The following ZNF92 variants were observed in gnomAD, a reference collection of about 807,000 sequenced individuals.
ZNF92 encodes epididymis luminal protein 203.
ZNF92 carries 11 observed loss-of-function variants against 12.4 expected under a neutral mutation model. That is an observed-to-expected ratio of 0.89 (90% CI 0.56 to 1.47). ZNF92 has a LOEUF of 1.47. Among genes scored for constraint, ZNF92 ranks in the 40% most tolerant of loss-of-function variants. The probability of loss-of-function intolerance (pLI) is 0.00; values close to 1 mark genes in which losing one functional copy is unlikely to be tolerated. For synonymous variants in ZNF92, 206 were observed against 228.6 expected (o/e 0.90, Z 0.89); for missense variants, 622 against 681.0 (o/e 0.91, Z 0.96).
intron 3 of ZNF92, among the ~76,000 whole-genome samples, chr7:65,394,151 A>G (rs546502846): frequency 6.6e-6 from 1 of 152,156 alleles, no homozygotes; most frequent in East Asian, 1.9e-4. Flanking sequence ...TGCCAAGACC[A>G]ATGTAATGTC....
chr7:65,393,417 T>C (rs1793772204), intron 3 of ZNF92, among the ~76,000 whole-genome samples: 1 of 151,324 alleles, frequency 6.6e-6, no homozygotes, highest in African/African-American at 2.4e-5. Context: ...AAGAAGACAG[T>C]TGGGTTGCTT....
intron 1 of ZNF92, among the ~76,000 whole-genome samples, chr7:65,379,605 C>T (rs1051968493): frequency 6.6e-6 from 1 of 152,126 alleles, no homozygotes; most frequent in Non-Finnish European, 1.5e-5. Context: ...GGACTAGGCA[C>T]CACCCTCAGG....
Position 65,399,581 on chromosome 7 carries a change from C to G in ZNF92, c.1467C>G (p.Ala489=). 6.2e-7 allele frequency: 1 copy of G among 1,613,552 alleles called. No individual in the cohort carries two copies. The highest frequency in any genetic ancestry group is 8.5e-7 in the Non-Finnish European group (1 of 1,179,762). The part of the protein sequence containing the change: ...KPYKCEECGK[A]FNQSSIFTKH... ...ACAAATGTGAAGAATGTGGCAAAGC[C>G]TTTAACCAGTCCTCAATTTTTACTA... The change falls in exon 4 of 4, where the codon GCC becomes GCG. Residue 489 remains alanine (A), a synonymous_variant. Coordinates refer to ENST00000328747, the MANE Select transcript of ZNF92 (RefSeq NM_152626.4).
chr7:65,398,296 CT>C, intron 3 of ZNF92, 44 bp from the exon 4 acceptor site: 1 of 1,428,010 alleles, frequency 7.0e-7, no homozygotes, highest in Non-Finnish European at 9.3e-7. Context: ...GTATATTCAT[CT>C]GAGTCTAGTA....
intron 3 of ZNF92, among the ~76,000 whole-genome samples, chr7:65,393,854 T>C (rs1265796994): frequency 6.6e-6 from 1 of 151,950 alleles, no homozygotes; most frequent in East Asian, 1.9e-4. Flanking sequence ...TATGATACTT[T>C]ATATGATAAA....
chr7:65,387,520 A>G lies in ZNF92; in HGVS notation c.4-382A>G, dbSNP rs577648321. Among the ~76,000 whole-genome samples, 3 of 149,494 alleles carry G rather than the reference A, an allele frequency of 2.0e-5. No individual in the cohort carries two copies. In the South Asian group the frequency reaches 6.4e-4, roughly 32 times the overall value. The stretch of plus-strand genomic sequence containing the variant: ...TATTCCAGATGTTCTGAAAAAATAT[A>G]TGCATAACAAGATCTTCAGTTTATC... On this transcript the variant is annotated intron_variant, in intron 1 of 3. Transcript: ENST00000328747.
Position 65,387,909 on chromosome 7 carries a change from T to G in ZNF92, c.11T>G (p.Leu4Arg), listed in dbSNP as rs1793615109. The G allele has an allele frequency of 6.2e-7, 1 of 1,603,318 alleles. No individual in the cohort carries two copies. The highest frequency in any genetic ancestry group is 8.5e-7 in the Non-Finnish European group (1 of 1,175,290). Residue 4 changes from leucine (L) to arginine (R), a missense_variant, in exon 2 of 4, where the codon CTG becomes CGG. Physicochemically the swap from Leu to Arg is moderately radical, Grantham distance 102. Transcript: ENST00000328747. The part of the protein sequence containing the change: MGP[L>R]TFRDVKIEFS... ...TGTGTGTGTGTTTTTCAGGGACCAC[T>G]GACATTTAGGGATGTGAAAATAGAA... is the stretch of plus-strand genomic sequence containing the variant.
rs1333083718 is a variant in ZNF92 at position 65,399,883 on chromosome 7, G to T, written c.*8G>T. On this transcript the variant is annotated 3_prime_UTR_variant, in exon 4 of 4. Transcript: ENST00000328747. ...GAGAAACTACAAACCTGAAAGATGT[G>T]ACAATGATTTTCACTACACCTCAAA... The T allele has an allele frequency of 1.9e-6, 3 of 1,550,316 alleles. No individual in the cohort carries two copies. Among genetic ancestry groups the T allele is most frequent in the Non-Finnish European group, 2.6e-6 (3 of 1,151,952 alleles).
intron 1 of ZNF92, among the ~76,000 whole-genome samples, chr7:65,376,250 G>A (rs984147070): frequency 2.0e-5 from 3 of 151,854 alleles, no homozygotes; most frequent in African/African-American, 4.8e-5. Flanking sequence ...TACTTCCTGG[G>A]TTTGTCACCT....
At chr7:65,392,812 C>T (rs960973155) in intron 3 of ZNF92, among the ~76,000 whole-genome samples, 8 of 152,026 alleles carry the variant, frequency 5.3e-5, no homozygotes, top group Non-Finnish European at 7.4e-5. Context: ...GCTGGGATTA[C>T]AGGAGTGAGC....
chr7:65,385,901 C>T (rs1793547289), intron 1 of ZNF92, among the ~76,000 whole-genome samples: 1 of 151,946 alleles, frequency 6.6e-6, no homozygotes, highest in African/African-American at 2.4e-5. Flanking sequence ...GTCCACTGTG[C>T]CTCCTGGAAT....
Position 65,399,663 on chromosome 7 carries a change from G to T in ZNF92, c.1549G>T (p.Ala517Ser), listed in dbSNP as rs1187317244. 6.2e-7 allele frequency: 1 copy of T among 1,613,214 alleles called. No individual in the cohort carries two copies. The highest frequency in any genetic ancestry group is 1.7e-5 in the Admixed American group (1 of 59,990). Residue 517 changes from alanine to serine, a missense_variant, in exon 4 of 4, where the codon GCT becomes TCT. Transcript: ENST00000328747. ...CTACAAATGTGAAAAATGTGGCAAT[G>T]CTTTTAACCAGTCCTCAAACCTTAC... is the stretch of plus-strand genomic sequence containing the variant. The part of the protein sequence containing the change: ...KSYKCEKCGN[A>S]FNQSSNLTAR...
intron 1 of ZNF92, among the ~76,000 whole-genome samples, chr7:65,384,367 C>T (rs1313561223): frequency 6.6e-6 from 1 of 151,986 alleles, no homozygotes; most frequent in Non-Finnish European, 1.5e-5. Flanking sequence ...TTTTTGGAGG[C>T]CTTATTGAAG....
intron 1 of ZNF92, among the ~76,000 whole-genome samples, chr7:65,378,134 C>G (rs1238185887): frequency 6.7e-6 from 1 of 150,364 alleles, no homozygotes; most frequent in African/African-American, 2.4e-5. Flanking sequence ...GGCGGATCTA[C>G]TAAAAGTACA....
intron 3 of ZNF92, among the ~76,000 whole-genome samples, chr7:65,392,311 A>C (rs1793737515): frequency 6.6e-6 from 1 of 151,842 alleles, no homozygotes; most frequent in African/African-American, 2.4e-5. Flanking sequence ...CCTTTGGGTA[A>C]GAGAAACATT....
Position 65,400,029 on chromosome 7 carries a change from T to C in ZNF92, c.*154T>C, listed in dbSNP as rs1793970772. 2.9e-6 allele frequency: 2 copies of C among 696,308 alleles called. No homozygotes were observed. The highest frequency in any genetic ancestry group is 4.5e-6 in the Non-Finnish European group (2 of 448,964). 43.1% of individuals were successfully genotyped at this position (696,308 alleles called of 1,614,324 possible). ...TTATATTGGAGAAAAATCCTCCAAG[T>C]ATGAAGAATGTGGCAAACTTTTAAC... On this transcript the variant is annotated 3_prime_UTR_variant, in exon 4 of 4. Coordinates refer to ENST00000328747, the MANE Select transcript of ZNF92 (RefSeq NM_152626.4).
At chr7:65,374,077 C>T in intron 1 of ZNF92, 77 bp downstream of exon 1, 1 of 1,597,450 alleles carries the variant, frequency 6.3e-7, no homozygotes, top group South Asian at 1.1e-5. Context: ...TGTGGCGGGC[C>T]TCGGGCCTTC....
chr7:65,396,039 C>G (rs148148180), intron 3 of ZNF92, among the ~76,000 whole-genome samples: 5 of 152,100 alleles, frequency 3.3e-5, no homozygotes, highest in African/African-American at 9.6e-5. Flanking sequence ...TTCAGCCTGT[C>G]AAGTAGCTGG....
chr7:65,391,357 A>G (rs558990014), intron 3 of ZNF92, among the ~76,000 whole-genome samples: 48 of 152,182 alleles, frequency 3.2e-4, no homozygotes, highest in African/African-American at 8.7e-4. Context: ...CACTCTTCCT[A>G]TACATTTTTA....
Sources: gnomAD v4.1 joint callset for allele counts (sites outside exome capture counted in the v4.1 genomes callset) on GRCh38, gnomAD v4.1.1 for gene constraint, MANE v1.5 for transcripts, NCBI Gene and HGNC (gene_info 2026-07-23, HGNC 2026-07-21) for gene names.